Variants in POC1A observed in about 807,000 individuals in gnomAD.
The protein encoded by POC1A is POC1 centriolar protein homolog A.
POC1A carries 34 observed loss-of-function variants against 47.8 expected under a neutral mutation model. The observed-to-expected ratio is 0.71, with a 90% confidence interval of 0.54 to 0.95. The LOEUF (loss-of-function observed/expected upper bound fraction) is 0.95. Among genes scored for constraint, POC1A ranks in the 40% least tolerant of loss-of-function variants. The pLI, the probability that POC1A is intolerant of heterozygous loss-of-function variation, is 0.00. For synonymous variants in POC1A, 177 were observed against 207.6 expected (o/e 0.85, Z 1.27); for missense variants, 466 against 528.3 (o/e 0.88, Z 1.16).
chr3:52,081,336 G>A (rs1429685768), intron 10 of POC1A, among the ~76,000 whole-genome samples: 2 of 152,136 alleles, frequency 1.3e-5, no homozygotes, highest in African/African-American at 4.8e-5. Flanking sequence ...GCTGACCCTT[G>A]CCCTCGCTCT....
chr3:52,149,875 C>T lies in POC1A; in HGVS notation c.216G>A (p.Ser72=), dbSNP rs543539287. Residue 72 remains serine, a synonymous_variant, in exon 3 of 11, where the codon TCG becomes TCA. Transcript: ENST00000296484. ...GGGAGCCGGAAGCAAGCAGGTGTCC[C>T]GAAGGAGAGAAGTTCACACAGGTGA... The part of the protein sequence containing the change: ...DAVTCVNFSP[S]GHLLASGSRD... 17 of 1,613,952 alleles carry T rather than the reference C, an allele frequency of 1.1e-5. No homozygotes were observed. Among genetic ancestry groups the T allele is most frequent in the South Asian group, 9.9e-5 (9 of 91,076 alleles).
intron 7 of POC1A, among the ~76,000 whole-genome samples, chr3:52,126,428 T>A (rs563149716): frequency 6.6e-6 from 1 of 152,014 alleles, no homozygotes; most frequent in African/African-American, 2.4e-5. Context: ...GCTTCCAGAG[T>A]CCACCTTCGG....
At chr3:52,097,695 T>C (rs1702868423) in intron 9 of POC1A, among the ~76,000 whole-genome samples, 2 of 152,204 alleles carry the variant, frequency 1.3e-5, no homozygotes, top group Admixed American at 6.5e-5. Context: ...GCATGCTGAT[T>C]TGAACTTGGA....
At chr3:52,086,437 A>G (rs539036551) in intron 10 of POC1A, among the ~76,000 whole-genome samples, 8 of 152,334 alleles carry the variant, frequency 5.3e-5, no homozygotes, top group Non-Finnish European at 8.8e-5. Flanking sequence ...CAGATACAAT[A>G]AAAGGGGAAT....
At chr3:52,152,370 G>A (rs894298436) in intron 1 of POC1A, among the ~76,000 whole-genome samples, 30 of 152,152 alleles carry the variant, frequency 2.0e-4, no homozygotes, top group Non-Finnish European at 1.5e-5. Flanking sequence ...AAGAGTTCAA[G>A]ATCAGCCTGG....
intron 8 of POC1A, 85 bp from the exon 9 acceptor site, chr3:52,122,562 G>T: frequency 2.3e-6 from 2 of 867,190 alleles, no homozygotes; most frequent in Non-Finnish European, 3.9e-6. Context: ...CAGAGGCCAT[G>T]CCCAAAGTTC....
rs755654936 is a variant in POC1A at position 52,145,949 on chromosome 3, A to C, written c.576T>G (p.Tyr192Ter). 6.2e-7 allele frequency: 1 copy of C among 1,610,610 alleles called. No individual in the cohort carries two copies. Among genetic ancestry groups the C allele is most frequent in the Non-Finnish European group, 8.5e-7 (1 of 1,176,970 alleles). Residue 192 changes from tyrosine (Y) to a stop codon, truncating the protein, a stop_gained, in exon 6 of 11, where the codon TAT becomes TAG. Transcript: ENST00000296484. LOFTEE classifies it high-confidence loss of function. Reference protein sequence around the residue: ...SYCEHGGFVTYVDFHPSGTCI... With the variant: ...SYCEHGGFVT ...ACGTCCCACTGGGGTGGAAGTCCAC[A>C]TAGGTGACAAAGCTGGAAAGACAGG...
chr3:52,077,744 T>C (rs990929689), intron 10 of POC1A, among the ~76,000 whole-genome samples: 2 of 152,018 alleles, frequency 1.3e-5, no homozygotes, highest in African/African-American at 2.4e-5. Flanking sequence ...CTTTTTCCGA[T>C]GGCCCCAAAC....
intron 9 of POC1A, among the ~76,000 whole-genome samples, chr3:52,104,021 A>G (rs908707032): frequency 1.3e-5 from 2 of 152,260 alleles, no homozygotes; most frequent in Admixed American, 6.5e-5. Context: ...GCATATTTCC[A>G]TAGAAAAATA....
intron 8 of POC1A, among the ~76,000 whole-genome samples, chr3:52,124,491 C>A (rs1173671992): frequency 6.6e-6 from 1 of 152,170 alleles, no homozygotes; most frequent in Non-Finnish European, 1.5e-5. Context: ...GCCAAAAATA[C>A]TGAAAATGCT....
intron 1 of POC1A, among the ~76,000 whole-genome samples, chr3:52,154,145 C>T (rs1412973307): frequency 6.6e-6 from 1 of 152,266 alleles, no homozygotes; most frequent in African/African-American, 2.4e-5. Flanking sequence ...TTGTTCGCTC[C>T]AGAAACCCAG....
chr3:52,096,088 C>A (rs1240781110), intron 10 of POC1A, among the ~76,000 whole-genome samples: 1 of 152,248 alleles, frequency 6.6e-6, no homozygotes, highest in Non-Finnish European at 1.5e-5. Flanking sequence ...CCCACAACCA[C>A]CAGCACATTA....
intron 9 of POC1A, among the ~76,000 whole-genome samples, chr3:52,106,385 T>C (rs1032301775): frequency 2.6e-5 from 4 of 151,276 alleles, no homozygotes; most frequent in Non-Finnish European, 5.9e-5. Context: ...GGGCCAGGTG[T>C]GATGGCATGC....
rs1202965375 is a variant in POC1A at position 52,146,972 on chromosome 3, G to C, written c.563+16C>G. 7.5e-6 allele frequency: 12 copies of C among 1,599,780 alleles called. No individual in the cohort carries two copies. The highest frequency in any genetic ancestry group is 1.0e-5 in the Non-Finnish European group (12 of 1,167,032). ...CTTGAGCGCCTACAGGTGGAGGACA[G>C]CATCTGGGGACTCACCCGCCATGCT... On this transcript the variant is annotated intron_variant, in intron 5 of 10. Transcript: ENST00000296484.
At position 52,096,577 on chromosome 3, in the gene POC1A, G is replaced by C; in HGVS notation, c.1117C>G (p.Leu373Val). The C allele has an allele frequency of 1.3e-6, 2 of 1,579,582 alleles. No homozygotes were observed. Among genetic ancestry groups the C allele is most frequent in the Non-Finnish European group, 1.7e-6 (2 of 1,165,152 alleles). Reference protein sequence around the residue: ...LEHIVGQLDVLTQTVSILEQR... With the variant: ...LEHIVGQLDVVTQTVSILEQR... Reference sequence around the variant, plus strand: ...CCCACAGTGTGGCCTACCTGAGTGAGGACATCCAGCTGGCCCACAATGTGC... The same window carrying C: ...CCCACAGTGTGGCCTACCTGAGTGACGACATCCAGCTGGCCCACAATGTGC... The change falls in exon 10 of 11, where the codon CTC (leucine) becomes GTC (valine). Residue 373 changes from leucine (L) to valine (V), a missense_variant. Transcript: ENST00000296484.
At chr3:52,138,078 G>T in intron 7 of POC1A, 91 bp downstream of exon 7, 2 of 1,388,308 alleles carry the variant, frequency 1.4e-6, no homozygotes, top group Non-Finnish European at 2.0e-6. Context: ...GGCTGTGTGG[G>T]TGACAAGCCT....
At chr3:52,132,586 G>A (rs1222921609) in intron 7 of POC1A, among the ~76,000 whole-genome samples, 4 of 152,122 alleles carry the variant, frequency 2.6e-5, no homozygotes, top group African/African-American at 9.7e-5. Context: ...TCTCCTCTCA[G>A]GATGGGCAGA....
intron 6 of POC1A, among the ~76,000 whole-genome samples, chr3:52,139,609 G>C (rs2334961): frequency 0.26 from 39,601 of 151,916 alleles, 6,411 homozygotes; most frequent in East Asian, 0.45. Context: ...TTCCAAAGCA[G>C]CACAAGCCTC....
At chr3:52,096,791 G>A in intron 9 of POC1A, 79 bp from the exon 10 acceptor site, 1 of 1,302,086 alleles carries the variant, frequency 7.7e-7, no homozygotes, top group Non-Finnish European at 1.0e-6. Flanking sequence ...CCCTCCAAAG[G>A]ATGAAAGGGA....
Sources: gnomAD v4.1 joint callset for allele counts (sites outside exome capture counted in the v4.1 genomes callset) on GRCh38, gnomAD v4.1.1 for gene constraint, MANE v1.5 for transcripts, NCBI Gene and HGNC (gene_info 2026-07-23, HGNC 2026-07-21) for gene names.